NID1: variants seen among roughly 807,000 people sequenced by gnomAD.
NID1 encodes the protein nidogen 1.
A neutral mutation model predicts 130.6 loss-of-function variants in NID1; 76 were observed. That is an observed-to-expected ratio of 0.58 (90% CI 0.48 to 0.70). The LOEUF (loss-of-function observed/expected upper bound fraction) is 0.70, where lower values mean the gene tolerates loss of function less well. NID1 is among the 30% of genes least tolerant of loss of function. NID1 has a pLI of 0.00. For missense variants in NID1, 1,517 were observed against 1,664.8 expected, an observed-to-expected ratio of 0.91 and a Z score of 1.54; for synonymous variants, 665 against 675.1, an observed-to-expected ratio of 0.98 and a Z score of 0.23.
At chr1:235,991,165 AC>A (rs1389285913) in intron 13 of NID1, 107 bp from the exon 14 acceptor site, 27 of 903,512 alleles carry the variant, frequency 3.0e-5, no homozygotes, top group Admixed American at 1.5e-4. Context: ...ACATACACAC[AC>A]CCACACATCA....
intron 6 of NID1, among the ~76,000 whole-genome samples, chr1:236,030,430 C>T (rs893175145): frequency 4.6e-5 from 7 of 152,116 alleles, no homozygotes; most frequent in African/African-American, 1.7e-4. Flanking sequence ...TTCTACAACC[C>T]TTGAGCTCAG....
intron 12 of NID1, among the ~76,000 whole-genome samples, chr1:236,001,017 G>A (rs886329645): frequency 6.6e-6 from 1 of 152,086 alleles, no homozygotes; most frequent in Non-Finnish European, 1.5e-5. Context: ...GGGCCTACAC[G>A]GGTTCTGAGC....
intron 2 of NID1, among the ~76,000 whole-genome samples, chr1:236,046,215 G>A (rs948575955): frequency 3.3e-5 from 5 of 152,170 alleles, no homozygotes; most frequent in Non-Finnish European, 7.4e-5. Context: ...CTCGATGTTT[G>A]CATCTGTAAA....
At chr1:235,999,265 G>T (rs1444185772) in intron 12 of NID1, among the ~76,000 whole-genome samples, 1 of 152,256 alleles carries the variant, frequency 6.6e-6, no homozygotes, top group Non-Finnish European at 1.5e-5. Flanking sequence ...GGCCGACAGA[G>T]TTGTGTTAAC....
At chr1:236,017,913 G>A (rs1055047113) in intron 9 of NID1, among the ~76,000 whole-genome samples, 3 of 152,080 alleles carry the variant, frequency 2.0e-5, no homozygotes, top group Non-Finnish European at 1.5e-5. Context: ...AATACTGAGA[G>A]TCTCTGAATA....
At chr1:236,024,749 CT>C (rs906130586) in intron 8 of NID1, among the ~76,000 whole-genome samples, 1 of 152,190 alleles carries the variant, frequency 6.6e-6, no homozygotes, top group Non-Finnish European at 1.5e-5. Flanking sequence ...CACAGGACCC[CT>C]GAGGCTTAAA....
chr1:236,003,154 A>C (rs1658132839), intron 12 of NID1, among the ~76,000 whole-genome samples: 1 of 151,670 alleles, frequency 6.6e-6, no homozygotes. Context: ...ACTCCTAGTG[A>C]ACGACTGGTA....
chr1:235,980,145 C>T lies in NID1; in HGVS notation c.3386-200G>A, dbSNP rs144419312. Among the ~76,000 whole-genome samples the T allele has an allele frequency of 5.8e-4, 88 of 152,292 alleles. 1 individual carries two copies. Among genetic ancestry groups the T allele is most frequent in the African/African-American group, 2.1e-3 (86 of 41,572 alleles). On this transcript the variant is annotated intron_variant, in intron 17 of 19. Coordinates refer to ENST00000264187, the MANE Select transcript of NID1 (RefSeq NM_002508.3). ...TTGCTTCTGCTGGGGAGGCACGAGC[C>T]AGGGCAGACTAATGTAAGTTGTGAA...
At chr1:236,016,420 C>T (rs1275414388) in intron 10 of NID1, among the ~76,000 whole-genome samples, 1 of 152,184 alleles carries the variant, frequency 6.6e-6, no homozygotes, top group Admixed American at 6.5e-5. Flanking sequence ...CAAGAGGAAT[C>T]TGTTTTAAAT....
intron 12 of NID1, among the ~76,000 whole-genome samples, chr1:236,000,737 T>C (rs577076359): frequency 5.9e-5 from 9 of 152,354 alleles, no homozygotes; most frequent in Admixed American, 4.6e-4. Flanking sequence ...AAGTACATTC[T>C]TGACCTTGGA....
Position 235,979,678 on chromosome 1 carries a change from T to C in NID1, c.3509+144A>G. ...TCTTGGCTCCTGACAACCAGAAGGA[T>C]AAGGGAGAGGGGACATCTCTAGAGG... On this transcript the variant is annotated intron_variant, in intron 18 of 19. Coordinates refer to ENST00000264187, the MANE Select transcript of NID1 (RefSeq NM_002508.3). The surrounding 1 kb of genome is among the most constrained non-coding windows in gnomAD (Gnocchi z 4.6). The C allele has an allele frequency of 5.0e-6, 4 of 798,534 alleles. No individual in the cohort carries two copies. Among genetic ancestry groups the C allele is most frequent in the Middle Eastern group, 3.9e-4 (1 of 2,578 alleles). 49.5% of individuals were successfully genotyped at this position (798,534 alleles called of 1,614,324 possible).
chr1:236,032,725 G>A, intron 5 of NID1, 73 bp from the exon 6 acceptor site: 2 of 1,551,238 alleles, frequency 1.3e-6, no homozygotes, highest in Non-Finnish European at 1.7e-6. Flanking sequence ...TAATATGTAG[G>A]ACCTGTACCT....
At chr1:236,007,022 T>C (rs1168338169) in intron 12 of NID1, among the ~76,000 whole-genome samples, 4 of 152,190 alleles carry the variant, frequency 2.6e-5, no homozygotes, top group African/African-American at 9.6e-5. Context: ...ATTTTGTTTA[T>C]TATTTTTAAA....
chr1:236,042,339 A>G (rs1294809338), intron 3 of NID1, 47 bp from the exon 4 acceptor site: 3 of 1,566,368 alleles, frequency 1.9e-6, no homozygotes, highest in Non-Finnish European at 1.7e-6. Flanking sequence ...CAACCCACCA[A>G]CAGCCACCAC....
At chr1:236,043,580 T>C (rs913982858) in intron 3 of NID1, among the ~76,000 whole-genome samples, 36 of 152,064 alleles carry the variant, frequency 2.4e-4, no homozygotes, top group Non-Finnish European at 4.3e-4. Flanking sequence ...GGGCAGATCA[T>C]GAGGTCAGGA....
chr1:236,024,342 A>G, intron 8 of NID1, 129 bp from the exon 9 acceptor site: 1 of 1,078,842 alleles, frequency 9.3e-7, no homozygotes, highest in East Asian at 2.6e-5. Flanking sequence ...GGAATGGGAC[A>G]CCAGCCAATT....
chr1:235,979,198 A>C lies in NID1; in HGVS notation c.3510-91T>G, dbSNP rs1572573313. ...GCAGCCTCTTTGTCATTTTGAGGAT[A>C]AACTGGAGGCCATAAACAGACATGA... On this transcript the variant is annotated intron_variant, in intron 18 of 19. Transcript: ENST00000264187. This position sits in a 1 kb window ranked among gnomAD's most constrained non-coding sequence, Gnocchi z 4.6. 1 of 816,404 alleles carries C rather than the reference A, an allele frequency of 1.2e-6. No homozygotes were observed. The highest frequency in any genetic ancestry group is 2.6e-5 in the East Asian group (1 of 38,212). 50.6% of individuals were successfully genotyped at this position (816,404 alleles called of 1,614,324 possible).
chr1:236,041,389 A>G (rs960596452), intron 4 of NID1, among the ~76,000 whole-genome samples: 1 of 151,788 alleles, frequency 6.6e-6, no homozygotes. Context: ...AAGAGTATCT[A>G]CTTTGATATA....
rs998326791 is a variant in NID1 at position 236,026,992 on chromosome 1, C to T, written c.1739-851G>A. On this transcript the variant is annotated intron_variant, in intron 7 of 19. Transcript: ENST00000264187. ...CTGACCTCAAGTGATCTGCCTGCCT[C>T]GGCCTCCCAAAGTGCTGGGATTACA... Among the ~76,000 whole-genome samples the T allele has an allele frequency of 1.2e-4, 19 of 152,092 alleles. 1 individual carries two copies. Among genetic ancestry groups the T allele is most frequent in the African/African-American group, 4.6e-4 (19 of 41,404 alleles).
Sources: allele counts gnomAD v4.1 joint callset (sites outside exome capture counted in the v4.1 genomes callset), GRCh38; gene constraint gnomAD v4.1.1; non-coding constraint Gnocchi (gnomAD v3.1); transcripts MANE v1.5; gene names NCBI Gene and HGNC (gene_info 2026-07-23, HGNC 2026-07-21).